The following ADNP variants were observed in gnomAD, a reference collection of about 807,000 sequenced individuals.
The protein encoded by ADNP is activity dependent neuroprotector homeobox.
Under a neutral mutation model 84.9 loss-of-function variants are expected in ADNP, and 4 were observed. The ratio of observed to expected loss-of-function variants is 0.05; its 90% CI spans 0.02 to 0.11. The LOEUF is 0.11. ADNP is among the 10% of genes least tolerant of loss of function. The probability of loss-of-function intolerance (pLI) is 1.00; values close to 1 mark genes in which losing one functional copy is unlikely to be tolerated. For missense variants in ADNP, 1,132 were observed against 1,326.0 expected (o/e 0.85, Z 2.27); for synonymous variants, 554 against 468.1 (o/e 1.18, Z -2.37).
At chr20:50,907,360 A>G (rs149165194) in intron 2 of ADNP, among the ~76,000 whole-genome samples, 2,253 of 146,278 alleles carry the variant, frequency 0.015, 66 homozygotes, top group African/African-American at 0.053. Flanking sequence ...TCTGCCTCCC[A>G]GGCTCAAGCA....
chr20:50,913,334 G>A, intron 2 of ADNP, among the ~76,000 whole-genome samples: 2 of 141,484 alleles, frequency 1.4e-5, no homozygotes, highest in South Asian at 4.7e-4. Context: ...AGACAATCAG[G>A]CTACTACAAT....
chr20:50,910,695 C>T (rs984401213), intron 2 of ADNP, among the ~76,000 whole-genome samples: 22 of 152,130 alleles, frequency 1.4e-4, no homozygotes, highest in Admixed American at 3.3e-4. Flanking sequence ...CTCTGTGTTA[C>T]CCAGGCTGGA....
chr20:50,905,393 T>A (rs1191624726), intron 2 of ADNP: 1 of 152,214 alleles, frequency 6.6e-6, no homozygotes, highest in African/African-American at 2.4e-5. Context: ...TAACAAAGGC[T>A]GTTACTCTGT....
At chr20:50,930,050 GGGAA>G (rs1431075089) in intron 1 of ADNP, among the ~76,000 whole-genome samples, 1 of 151,920 alleles carries the variant, frequency 6.6e-6, no homozygotes, top group Non-Finnish European at 1.5e-5. Flanking sequence ...TGGGGGGGAG[GGGAA>G]GGCAGGCAGG....
chr20:50,893,135 T>C lies in ADNP; in HGVS notation c.1579A>G (p.Met527Val). Residue 527 changes from methionine (M) to valine (V), a missense_variant, in exon 6 of 6, where the codon ATG becomes GTG. Coordinates refer to ENST00000621696, the MANE Select transcript of ADNP (RefSeq NM_001282531.3). This position sits in a 1 kb window ranked among gnomAD's most constrained non-coding sequence, Gnocchi z 4.4. The part of the protein sequence containing the change: ...CRSTFNDVEK[M>V]AAHMRMVHID... ...TGAACCATCCGCATGTGTGCGGCCA[T>C]CTTTTCCACATCATTGAAAGTTGAA... is the stretch of plus-strand genomic sequence containing the variant. 1.9e-6 allele frequency: 3 copies of C among 1,614,288 alleles called. No homozygotes were observed. The highest frequency in any genetic ancestry group is 2.5e-6 in the Non-Finnish European group (3 of 1,180,054).
intron 2 of ADNP, among the ~76,000 whole-genome samples, chr20:50,920,106 A>C (rs902699112): frequency 6.6e-5 from 10 of 150,842 alleles, no homozygotes; most frequent in Non-Finnish European, 1.5e-4. Flanking sequence ...GTGAAACCCC[A>C]TCTCTACTAA....
intron 2 of ADNP, among the ~76,000 whole-genome samples, chr20:50,921,471 G>A (rs566130573): frequency 3.9e-4 from 60 of 152,288 alleles, no homozygotes; most frequent in South Asian, 1.2e-3. Context: ...TAGATTTTGC[G>A]TATCTTAAGT....
intron 1 of ADNP, 101 bp downstream of exon 1, chr20:50,930,725 C>G (rs1270053488): frequency 6.6e-6 from 1 of 151,936 alleles, no homozygotes; most frequent in Non-Finnish European, 1.5e-5. Context: ...CAACAATGCG[C>G]CCGCGCCCGG....
In ADNP at chr20:50,892,600, C is replaced by T. The variant is rs1215633655; in HGVS notation, c.2114G>A (p.Arg705Gln). 4.3e-6 allele frequency: 7 copies of T among 1,613,982 alleles called. No individual in the cohort carries two copies. The highest frequency in any genetic ancestry group is 1.1e-5 in the South Asian group (1 of 91,088). ...TGCCAGACTTGGAGACTGATTAAGC[C>T]GAGAGGGTGCATTTGTCTTATCCTG... ...NGQDKTNAPS[R>Q]LNQSPSLAPV... Residue 705 changes from arginine to glutamine, a missense_variant, in exon 6 of 6, where the codon CGG (arginine) becomes CAG (glutamine). This residue lies in a region of ADNP where 101 missense variants were observed against 78.5 expected (regional missense o/e 1.29). Transcript: ENST00000621696.
In ADNP at chr20:50,920,086, G is replaced by T. The variant is rs559728186; in HGVS notation, c.-90+8565C>A. Among the ~76,000 whole-genome samples, 5 of 150,962 alleles carry T rather than the reference G, an allele frequency of 3.3e-5. No individual in the cohort carries two copies. The East Asian group carries it at 9.9e-4, about 30-fold the overall frequency. On this transcript the variant is annotated intron_variant, in intron 2 of 5. Coordinates refer to ENST00000621696, the MANE Select transcript of ADNP (RefSeq NM_001282531.3). ...GAAGTCAGGAGCTCGAGACCAGCCTGGCGAATATGGTGAAACCCCATCTCT... is the reference window on the plus strand; with the variant it reads ...GAAGTCAGGAGCTCGAGACCAGCCTTGCGAATATGGTGAAACCCCATCTCT...
intron 1 of ADNP, among the ~76,000 whole-genome samples, chr20:50,930,528 G>A (rs1259321862): frequency 6.6e-6 from 1 of 152,034 alleles, no homozygotes; most frequent in Non-Finnish European, 1.5e-5. Flanking sequence ...AGCTGCAAAA[G>A]CTCCGGGCGG....
intron 5 of ADNP, among the ~76,000 whole-genome samples, chr20:50,898,000 T>G (rs6020832): frequency 0.33 from 49,445 of 151,792 alleles, 8,553 homozygotes; most frequent in African/African-American, 0.46. Context: ...TCACAAAGGG[T>G]TTCAATTTGT....
intron 2 of ADNP, among the ~76,000 whole-genome samples, chr20:50,926,380 T>G (rs756826745): frequency 6.6e-6 from 1 of 152,228 alleles, no homozygotes; most frequent in Admixed American, 6.5e-5. Context: ...TACACAACAG[T>G]CATGGGTACT....
Position 50,931,135 on chromosome 20 carries a change from G to T in ADNP, c.-574C>A, listed in dbSNP as rs1443450287. ...CACCGGCGCGGGCGGCGGCGGCCGCGCTCCTCTCGCTCCTCAGCAGCGGGG... is the reference window on the plus strand; with the variant it reads ...CACCGGCGCGGGCGGCGGCGGCCGCTCTCCTCTCGCTCCTCAGCAGCGGGG... On this transcript the variant is annotated 5_prime_UTR_variant, in exon 1 of 6. Coordinates refer to ENST00000621696, the MANE Select transcript of ADNP (RefSeq NM_001282531.3). 1 of 152,146 alleles carries T rather than the reference G, an allele frequency of 6.6e-6. No homozygotes were observed. Among genetic ancestry groups the T allele is most frequent in the Non-Finnish European group, 1.5e-5 (1 of 67,890 alleles). 9.4% of individuals were successfully genotyped at this position (152,146 alleles called of 1,614,324 possible). A position where few individuals can be genotyped will look rare whatever the true frequency, so the allele number is the denominator to read the frequency against.
intron 2 of ADNP, among the ~76,000 whole-genome samples, chr20:50,906,963 G>GTTTTTTTTTTTTTTTTTTTTTTTTT (rs751919326): frequency 1.7e-5 from 2 of 119,222 alleles, no homozygotes; most frequent in Admixed American, 1.0e-4. Flanking sequence ...CAGGGTTCCA[G>GTTTTTTTTTTTTTTTTTTTTTTTTT]TTTTTTTTTT....
In ADNP at chr20:50,890,131, TAAAAAAAAAA is replaced by T. The variant is rs150489825; in HGVS notation, c.*1264_*1273del. The stretch of plus-strand genomic sequence containing the variant: ...AACTCAAGGGTGTTTGTTTTTCAGT[TAAAAAAAAAA>T]AAAAAAAAAAAAAAAAAAAAGAAAA... On this transcript the variant is annotated 3_prime_UTR_variant, in exon 6 of 6. Coordinates refer to ENST00000621696, the MANE Select transcript of ADNP (RefSeq NM_001282531.3). 4.6e-4 allele frequency: 37 copies of T among 81,212 alleles called. 1 individual carries two copies. The highest frequency in any genetic ancestry group is 5.7e-3 in the Middle Eastern group (1 of 176). 5.0% of individuals were successfully genotyped at this position (81,212 alleles called of 1,614,324 possible). A position where few individuals can be genotyped will look rare whatever the true frequency, so the allele number is the denominator to read the frequency against.
intron 5 of ADNP, among the ~76,000 whole-genome samples, chr20:50,895,040 A>G (rs75292978): frequency 0.017 from 2,542 of 152,306 alleles, 79 homozygotes; most frequent in African/African-American, 0.058. Flanking sequence ...ATGTTTAGGG[A>G]AAAAAAGTCA....
chr20:50,908,147 G>GTTTTTTTTTTT (rs142605027), intron 2 of ADNP, among the ~76,000 whole-genome samples: 1 of 105,918 alleles, frequency 9.4e-6, no homozygotes, highest in Non-Finnish European at 1.9e-5. Context: ...AGATTTTTCT[G>GTTTTTTTTTTT]TTTTTTTTTT....
intron 2 of ADNP, among the ~76,000 whole-genome samples, chr20:50,927,032 T>C (rs980191112): frequency 6.6e-6 from 1 of 152,210 alleles, no homozygotes; most frequent in Non-Finnish European, 1.5e-5. Flanking sequence ...GTATGCCTTA[T>C]ATACCTATAC....
Sources: allele counts gnomAD v4.1 joint callset (sites outside exome capture counted in the v4.1 genomes callset), GRCh38; gene constraint gnomAD v4.1.1; regional missense constraint gnomAD v4.1.1; non-coding constraint Gnocchi (gnomAD v3.1); transcripts MANE v1.5; gene names NCBI Gene and HGNC (gene_info 2026-07-23, HGNC 2026-07-21).